NPAS3: variants seen among roughly 807,000 people sequenced by gnomAD.
NPAS3 encodes the protein neuronal PAS domain-containing protein 3.
A neutral mutation model predicts 73.1 loss-of-function variants in NPAS3; 14 were observed. The observed-to-expected ratio is 0.19, with a 90% confidence interval of 0.13 to 0.30. The LOEUF (loss-of-function observed/expected upper bound fraction) is 0.30. NPAS3 is among the 10% of genes least tolerant of loss of function. The probability of loss-of-function intolerance (pLI) is 1.00; values close to 1 mark genes in which losing one functional copy is unlikely to be tolerated. For synonymous variants in NPAS3, 620 were observed against 541.5 expected (o/e 1.14, Z -2.01); for missense variants, 1,096 against 1,250.0 (o/e 0.88, Z 1.86).
At chr14:33,575,589 A>G (rs983532467) in intron 5 of NPAS3, among the ~76,000 whole-genome samples, 5 of 152,212 alleles carry the variant, frequency 3.3e-5, no homozygotes, top group Non-Finnish European at 5.9e-5. Context: ...GTGGAGGTAC[A>G]ATGTCTAAGG....
chr14:33,654,473 C>G (rs1391237512), intron 5 of NPAS3, among the ~76,000 whole-genome samples: 1 of 152,016 alleles, frequency 6.6e-6, no homozygotes. Flanking sequence ...ATTTTATGTC[C>G]TAACCTTTTC....
intron 2 of NPAS3, among the ~76,000 whole-genome samples, chr14:33,094,723 C>T (rs926907174): frequency 2.6e-5 from 4 of 152,098 alleles, no homozygotes; most frequent in African/African-American, 9.7e-5. Context: ...GCCTTGGCCT[C>T]CCAAATTGCT....
intron 3 of NPAS3, among the ~76,000 whole-genome samples, chr14:33,304,031 C>T (rs2042660167): frequency 6.6e-6 from 1 of 152,212 alleles, no homozygotes; most frequent in African/African-American, 2.4e-5. Flanking sequence ...CCTCAGCCTC[C>T]CAAGTAGCTG....
intron 2 of NPAS3, among the ~76,000 whole-genome samples, chr14:33,190,177 A>G (rs1327700764): frequency 1.3e-5 from 2 of 152,236 alleles, no homozygotes; most frequent in African/African-American, 2.4e-5. Flanking sequence ...CAGATAAATT[A>G]CAATATTCAT....
chr14:33,227,447 A>G (rs1372629141), intron 3 of NPAS3, among the ~76,000 whole-genome samples: 2 of 152,172 alleles, frequency 1.3e-5, no homozygotes, highest in Non-Finnish European at 2.9e-5. Flanking sequence ...AGAATACTAT[A>G]GATGGATTGG....
chr14:33,015,241 A>G (rs2039348708), intron 1 of NPAS3, among the ~76,000 whole-genome samples: 1 of 152,188 alleles, frequency 6.6e-6, no homozygotes, highest in Admixed American at 6.5e-5. Flanking sequence ...AACTGTCTTC[A>G]TCTGTTTTTC....
At chr14:33,751,298 A>T (rs2061955600) in intron 7 of NPAS3, among the ~76,000 whole-genome samples, 1 of 152,218 alleles carries the variant, frequency 6.6e-6, no homozygotes, top group Non-Finnish European at 1.5e-5. Flanking sequence ...ATAGATTTAA[A>T]CAAGTCATTA....
At chr14:33,020,652 A>G (rs994973050) in intron 1 of NPAS3, among the ~76,000 whole-genome samples, 3 of 151,954 alleles carry the variant, frequency 2.0e-5, no homozygotes, top group African/African-American at 7.3e-5. Context: ...CTCAGTGGCT[A>G]TTTTGCTTCC....
intron 3 of NPAS3, among the ~76,000 whole-genome samples, chr14:33,341,584 T>G (rs1012873936): frequency 1.3e-5 from 2 of 151,940 alleles, no homozygotes; most frequent in Non-Finnish European, 2.9e-5. Context: ...AGTGGGGCGA[T>G]CTGGGTATAA....
chr14:33,128,847 C>G (rs902885972), intron 2 of NPAS3, among the ~76,000 whole-genome samples: 3 of 152,112 alleles, frequency 2.0e-5, no homozygotes, highest in African/African-American at 7.2e-5. Flanking sequence ...GTAGGTGATA[C>G]TTACATCTTA....
intron 4 of NPAS3, among the ~76,000 whole-genome samples, chr14:33,385,896 C>G (rs1307620396): frequency 6.6e-6 from 1 of 152,186 alleles, no homozygotes; most frequent in African/African-American, 2.4e-5. Flanking sequence ...ATCACTGACG[C>G]TGGCCTTATG....
intron 9 of NPAS3, among the ~76,000 whole-genome samples, chr14:33,788,238 A>T (rs1017155643): frequency 2.6e-5 from 4 of 152,210 alleles, no homozygotes; most frequent in African/African-American, 9.6e-5. Flanking sequence ...AGTCTGTAGC[A>T]GAAGGCACCT....
At chr14:33,724,171 A>C (rs1259415360) in intron 6 of NPAS3, among the ~76,000 whole-genome samples, 1 of 152,190 alleles carries the variant, frequency 6.6e-6, no homozygotes, top group Non-Finnish European at 1.5e-5. Flanking sequence ...ATGTATTTGC[A>C]AGAAATATGT....
chr14:33,373,205 C>T (rs1194138924), intron 4 of NPAS3, among the ~76,000 whole-genome samples: 1 of 152,034 alleles, frequency 6.6e-6, no homozygotes, highest in South Asian at 2.1e-4. Context: ...GTTTAAGTTT[C>T]TTTCATTTTC....
At chr14:33,799,961 G>C (rs12434716) in exon 12 of NPAS3, 250,822 of 1,613,880 alleles carry the variant, frequency 0.16, 20,956 homozygotes, top group African/African-American at 0.2. Context: ...TGCTCTGGGC[G>C]CGATGCAGAT....
intron 2 of NPAS3, among the ~76,000 whole-genome samples, chr14:33,209,696 A>C (rs1409349006): frequency 6.6e-6 from 1 of 152,198 alleles, no homozygotes; most frequent in Non-Finnish European, 1.5e-5. Flanking sequence ...ACAAGTAGGA[A>C]AATCCATAAA....
intron 3 of NPAS3, among the ~76,000 whole-genome samples, chr14:33,291,421 A>G (rs1044597686): frequency 1.1e-4 from 17 of 152,222 alleles, no homozygotes; most frequent in Admixed American, 3.3e-4. Context: ...ATATTAAACA[A>G]GCAGTCTGTC....
intron 7 of NPAS3, among the ~76,000 whole-genome samples, chr14:33,757,722 G>A (rs2062159227): frequency 6.6e-6 from 1 of 152,202 alleles, no homozygotes; most frequent in South Asian, 2.1e-4. Flanking sequence ...TCAAGGATGA[G>A]CCAAGAGAAG....
intron 4 of NPAS3, among the ~76,000 whole-genome samples, chr14:33,411,287 A>G (rs566850453): frequency 3.3e-5 from 5 of 152,268 alleles, no homozygotes; most frequent in African/African-American, 7.2e-5. Flanking sequence ...GGTTCAAGCG[A>G]TTCTCCTGCC....
Sources: allele counts gnomAD v4.1 joint callset (sites outside exome capture counted in the v4.1 genomes callset), GRCh38; gene constraint gnomAD v4.1.1; transcripts MANE v1.5; gene names NCBI Gene and HGNC (gene_info 2026-07-23, HGNC 2026-07-21).